SPEG: variants seen among roughly 807,000 people sequenced by gnomAD.
SPEG encodes the protein striated muscle enriched protein kinase, also known as striated muscle preferentially expressed protein kinase.
SPEG carries 114 observed loss-of-function variants against 300.4 expected under a neutral mutation model. The observed-to-expected ratio is 0.38, with a 90% CI of 0.33 to 0.44. The LOEUF is 0.44. Ranked by LOEUF, SPEG falls within the 20% of genes least tolerant of loss-of-function variation. The pLI, the probability that SPEG is intolerant of heterozygous loss-of-function variation, is 1.00. For missense variants in SPEG, 4,201 were observed against 4,586.2 expected (o/e 0.92, Z 2.43); for synonymous variants, 1,964 against 2,018.9 (o/e 0.97, Z 0.73).
chr2:219,461,649 C>CT, intron 6 of SPEG: 4 of 861,862 alleles, frequency 4.6e-6, no homozygotes, highest in Non-Finnish European at 6.7e-6. Flanking sequence ...ATGGTGTCCC[C>CT]TCCTGGGAGG....
Position 219,484,137 on chromosome 2 carries a change from C to A in SPEG, c.6674C>A (p.Ala2225Asp). ...APEPRPEPVR[A>D]SKPAPPPQAL... is the part of the protein sequence containing the mutation. ...GAGCCCAGGCCAGAACCAGTCCGAG[C>A]CTCCAAGCCTGCACCACCCCCCCAG... Residue 2225 changes from alanine (A) to aspartate (D), a missense_variant, in exon 30 of 41, where the codon GCC becomes GAC. Ala to Asp is a moderately radical substitution (Grantham distance 126, BLOSUM62 -2). Around this residue, in one of 4 missense-constraint regions of SPEG, gnomAD observed 1,578 missense variants for 1,506.0 expected, o/e 1.05. Coordinates refer to ENST00000312358, the MANE Select transcript of SPEG (RefSeq NM_005876.5). 1 of 1,613,528 alleles carries A rather than the reference C, an allele frequency of 6.2e-7. No individual in the cohort carries two copies. Among genetic ancestry groups the A allele is most frequent in the Non-Finnish European group, 8.5e-7 (1 of 1,179,944 alleles).
chr2:219,450,992 C>T (rs940090685), intron 4 of SPEG, 144 bp from the exon 5 acceptor site: 1 of 777,930 alleles, frequency 1.3e-6, no homozygotes, highest in Non-Finnish European at 2.0e-6. Flanking sequence ...AGGAGGCAGA[C>T]CCTCTTCTCC....
chr2:219,435,990 C>T (rs1954708767), intron 1 of SPEG, among the ~76,000 whole-genome samples: 1 of 152,168 alleles, frequency 6.6e-6, no homozygotes, highest in South Asian at 2.1e-4. Flanking sequence ...CTTGAGAATC[C>T]ACATGCAGGT....
Position 219,492,783 on chromosome 2 carries a change from C to CT in SPEG, c.9802dup (p.Ter3268LeufsTer?). 1 of 1,586,656 alleles carries CT rather than the reference C, an allele frequency of 6.3e-7. No homozygotes were observed. The stretch of plus-strand genomic sequence containing the variant: ...TGCTGCGCTCCTACCCTGGCGGCCC[C>CT]TAGAGGCACGGACCACAGCCAGGCC... On this transcript the variant is annotated frameshift_variant, in exon 41 of 41. Transcript: ENST00000312358. LOFTEE classifies it high-confidence loss of function.
At chr2:219,441,690 A>G (rs868558578) in intron 1 of SPEG, 1 of 415,916 alleles carries the variant, frequency 2.4e-6, no homozygotes, top group Middle Eastern at 4.3e-4. Flanking sequence ...TCATGTGCCT[A>G]GGGCTCCGGA....
chr2:219,482,638 G>T (rs1692958828), intron 28 of SPEG, 146 bp from the exon 29 acceptor site: 1 of 675,638 alleles, frequency 1.5e-6, no homozygotes, highest in Non-Finnish European at 2.6e-6. Flanking sequence ...GACCCAGGGG[G>T]AAGGGGACCC....
At position 219,459,368 on chromosome 2, in the gene SPEG, A is replaced by G. The variant is rs1575088971; in HGVS notation, c.2441-2514A>G. ...TGGTTTTTGCTATGTGGCCAGGGAA[A>G]AAACTAGGTGGCACCGGATTCTGGT... On this transcript the variant is annotated intron_variant, in intron 6 of 40. Coordinates refer to ENST00000312358, the MANE Select transcript of SPEG (RefSeq NM_005876.5). The surrounding 1 kb of genome is among the most constrained non-coding windows in gnomAD (Gnocchi z 4.9). Among the ~76,000 whole-genome samples the G allele has an allele frequency of 6.6e-6, 1 of 152,316 alleles. No individual in the cohort carries two copies. The highest frequency in any genetic ancestry group is 1.9e-4 in the East Asian group (1 of 5,176).
In SPEG at chr2:219,488,763, T is replaced by C; in HGVS notation, c.8027-15T>C. The C allele has an allele frequency of 6.2e-7, 1 of 1,610,322 alleles. No individual in the cohort carries two copies. The highest frequency in any genetic ancestry group is 8.5e-7 in the Non-Finnish European group (1 of 1,178,118). Reference sequence around the variant, plus strand: ...GGGTATAGGGGCTCACTGGGACTCTTCTTTCTCTTGCCAGGAGTCCCAGGA... The same window carrying C: ...GGGTATAGGGGCTCACTGGGACTCTCCTTTCTCTTGCCAGGAGTCCCAGGA... On this transcript the variant is annotated splice_polypyrimidine_tract_variant and intron_variant, in intron 33 of 40. Transcript: ENST00000312358.
In SPEG at chr2:219,469,518, C is replaced by T. The variant is rs555340150; in HGVS notation, c.3715+139C>T. On this transcript the variant is annotated intron_variant, in intron 13 of 40. Coordinates refer to ENST00000312358, the MANE Select transcript of SPEG (RefSeq NM_005876.5). ...ACAGGGTGCCTGGGGGAAGGGAACC[C>T]GGAGGGACTGTGAGGTCATTGCCTC... 31 of 707,122 alleles carry T rather than the reference C, an allele frequency of 4.4e-5. 1 individual carries two copies. In the Middle Eastern group the frequency reaches 8.9e-4, roughly 20 times the overall value. The allele number at this position is 707,122 out of a possible 1,614,324, so 43.8% of individuals were successfully genotyped here.
Position 219,444,084 on chromosome 2 carries a change from C to A in SPEG, c.389-569C>A, listed in dbSNP as rs1371088995. 1 of 1,355,214 alleles carries A rather than the reference C, an allele frequency of 7.4e-7. No homozygotes were observed. The highest frequency in any genetic ancestry group is 1.5e-5 in the African/African-American group (1 of 67,696). The allele number at this position is 1,355,214 out of a possible 1,614,324, so 83.9% of individuals were successfully genotyped here. On this transcript the variant is annotated intron_variant, in intron 1 of 40. Transcript: ENST00000312358. The surrounding 1 kb of genome is among the most constrained non-coding windows in gnomAD (Gnocchi z 7.8). Reference sequence around the variant, plus strand: ...GGTAGGAAACTGGCTCCTGCTCTAGCCCCCCGCATCCCCCCCTTTCCCACC... The same window carrying A: ...GGTAGGAAACTGGCTCCTGCTCTAGACCCCCGCATCCCCCCCTTTCCCACC...
In SPEG at chr2:219,470,030, G is replaced by A. The variant is rs191054135; in HGVS notation, c.3715+651G>A. Among the ~76,000 whole-genome samples, 64 of 152,298 alleles carry A rather than the reference G, an allele frequency of 4.2e-4. 1 individual carries two copies. The highest frequency in any genetic ancestry group is 1.3e-3 in the African/African-American group (53 of 41,558). The stretch of plus-strand genomic sequence containing the variant: ...CCATCCTTGAAGGAATCTGAGTCTT[G>A]TGTGAGAAGGTCTGCCCCCCTCCCA... On this transcript the variant is annotated intron_variant, in intron 13 of 40. Coordinates refer to ENST00000312358, the MANE Select transcript of SPEG (RefSeq NM_005876.5).
chr2:219,448,254 G>C lies in SPEG; in HGVS notation c.1096G>C (p.Ala366Pro). 15 of 1,612,238 alleles carry C rather than the reference G, an allele frequency of 9.3e-6. No individual in the cohort carries two copies. The highest frequency in any genetic ancestry group is 1.3e-5 in the Non-Finnish European group (15 of 1,179,560). The change falls in exon 4 of 41, where the codon GCG becomes CCG. Residue 366 changes from alanine to proline, a missense_variant. By Grantham distance (27) the Ala-to-Pro change is conservative (BLOSUM62 -1). Around this residue, in one of 4 missense-constraint regions of SPEG, gnomAD observed 1,258 missense variants for 1,293.9 expected, o/e 0.97. Transcript: ENST00000312358. The stretch of plus-strand genomic sequence containing the variant: ...GTCCAAGTCGTCCGGGCCCTCCCTG[G>C]CGGGCACCGCGGAATCCCGACCCCA... ...KKSKSSGPSL[A>P]GTAESRPQTP... is the part of the protein sequence containing the mutation.
In SPEG at chr2:219,445,257, C is replaced by A. The variant is rs1328678743; in HGVS notation, c.815+96C>A. ...CAGTCAGCCTCCACCCATCACCCTG[C>A]CCCATCCATCTCTCTGTGCATTTCT... On this transcript the variant is annotated intron_variant, in intron 3 of 40. Coordinates refer to ENST00000312358, the MANE Select transcript of SPEG (RefSeq NM_005876.5). This position sits in a 1 kb window ranked among gnomAD's most constrained non-coding sequence, Gnocchi z 6.1. The A allele has an allele frequency of 1.8e-6, 2 of 1,134,630 alleles. No individual in the cohort carries two copies. The highest frequency in any genetic ancestry group is 1.5e-5 in the African/African-American group (1 of 65,116). 70.3% of individuals were successfully genotyped at this position (1,134,630 alleles called of 1,614,324 possible).
In SPEG at chr2:219,451,724, C is replaced by T; in HGVS notation, c.2357C>T (p.Ala786Val). The T allele has an allele frequency of 6.4e-7, 1 of 1,564,086 alleles. No individual in the cohort carries two copies. The highest frequency in any genetic ancestry group is 8.7e-7 in the Non-Finnish European group (1 of 1,154,978). The change falls in exon 6 of 41, where the codon GCA (alanine) becomes GTA (valine). Residue 786 changes from alanine to valine, a missense_variant. Around this residue, in one of 4 missense-constraint regions of SPEG, gnomAD observed 1,258 missense variants for 1,293.9 expected, o/e 0.97. Transcript: ENST00000312358. This position sits in a 1 kb window ranked among gnomAD's most constrained non-coding sequence, Gnocchi z 6.4. ...RHTLLLREAR[A>V]ADAGSYMATA... The stretch of plus-strand genomic sequence containing the variant: ...ACCCTGCTGCTCAGGGAGGCCAGGG[C>T]AGCAGATGCCGGGAGCTATATGGCC...
At chr2:219,441,788 G>C (rs1420368722) in intron 1 of SPEG, among the ~76,000 whole-genome samples, 1 of 151,042 alleles carries the variant, frequency 6.6e-6, no homozygotes, top group Non-Finnish European at 1.5e-5. Flanking sequence ...CTCCCCGGGG[G>C]AAGTAGGGGG....
chr2:219,469,104 C>G (rs1575122631), intron 12 of SPEG, 52 bp from the exon 13 acceptor site: 2 of 1,609,816 alleles, frequency 1.2e-6, no homozygotes, highest in Non-Finnish European at 1.7e-6. Context: ...CAGCCCAGCC[C>G]TGGGGTGGGA....
At chr2:219,463,909 C>T (rs1356359609) in intron 8 of SPEG, among the ~76,000 whole-genome samples, 1 of 151,888 alleles carries the variant, frequency 6.6e-6, no homozygotes, top group Non-Finnish European at 1.5e-5. Flanking sequence ...ATCATTTGAG[C>T]CCAGAAGTTC....
intron 31 of SPEG, among the ~76,000 whole-genome samples, chr2:219,485,853 G>T (rs1312284512): frequency 6.6e-6 from 1 of 152,176 alleles, no homozygotes; most frequent in Non-Finnish European, 1.5e-5. Context: ...AACGGCTTCA[G>T]GACACCACTT....
In SPEG at chr2:219,488,204, A is replaced by C; in HGVS notation, c.7752A>C (p.Pro2584=). The C allele has an allele frequency of 6.2e-7, 1 of 1,612,122 alleles. No individual in the cohort carries two copies. The highest frequency in any genetic ancestry group is 1.7e-5 in the Admixed American group (1 of 59,810). The change falls in exon 32 of 41, where the codon CCA becomes CCC. Residue 2584 remains proline (P), a synonymous_variant. Coordinates refer to ENST00000312358, the MANE Select transcript of SPEG (RefSeq NM_005876.5). ...CTGCTTTTCCTCCAGACTTCCCCCCAGTCTTCCACATCAAACTCAAGGACC... is the reference window on the plus strand; with the variant it reads ...CTGCTTTTCCTCCAGACTTCCCCCCCGTCTTCCACATCAAACTCAAGGACC... ...QYVRSESDFP[P]VFHIKLKDQV...
Sources: gnomAD v4.1 joint callset for allele counts (sites outside exome capture counted in the v4.1 genomes callset) on GRCh38, gnomAD v4.1.1 for gene constraint, gnomAD v4.1.1 regional missense constraint, Gnocchi (gnomAD v3.1) non-coding constraint, MANE v1.5 for transcripts, NCBI Gene and HGNC (gene_info 2026-07-23, HGNC 2026-07-21) for gene names.